ROR1: variants seen among roughly 807,000 people sequenced by gnomAD.
ROR1 encodes the protein inactive tyrosine-protein kinase transmembrane receptor ROR1.
Under a neutral mutation model 78.8 loss-of-function variants are expected in ROR1, and 19 were observed. The observed-to-expected ratio is 0.24, with a 90% CI of 0.17 to 0.35. The LOEUF is 0.35. ROR1 is among the 10% of genes least tolerant of loss of function. The probability of loss-of-function intolerance (pLI) is 1.00; values close to 1 mark genes in which losing one functional copy is unlikely to be tolerated. For missense variants in ROR1, 917 were observed against 1,177.8 expected, an observed-to-expected ratio of 0.78 and a Z score of 3.24; for synonymous variants, 386 against 433.6, an observed-to-expected ratio of 0.89 and a Z score of 1.36.
intron 8 of ROR1, among the ~76,000 whole-genome samples, chr1:64,164,921 A>T (rs779547455): frequency 6.6e-6 from 1 of 152,188 alleles, no homozygotes; most frequent in Non-Finnish European, 1.5e-5. Flanking sequence ...CCTGCAAAGG[A>T]TGTGATCTTA....
intron 1 of ROR1, among the ~76,000 whole-genome samples, chr1:63,994,292 A>C (rs1425313104): frequency 1.3e-5 from 2 of 151,858 alleles, no homozygotes; most frequent in Admixed American, 6.6e-5. Flanking sequence ...CCCTAGTTTG[A>C]CATATGTCTT....
chr1:63,900,992 T>G (rs1290322033), intron 1 of ROR1, among the ~76,000 whole-genome samples: 1 of 152,126 alleles, frequency 6.6e-6, no homozygotes, highest in African/African-American at 2.4e-5. Flanking sequence ...ATTACCGTCA[T>G]GTTACAGGTG....
At chr1:64,039,206 G>T (rs186481113) in intron 2 of ROR1, among the ~76,000 whole-genome samples, 83 of 152,320 alleles carry the variant, frequency 5.4e-4, no homozygotes, top group Non-Finnish European at 9.7e-4. Flanking sequence ...GAGAAAGAAT[G>T]GCTTGTGTGC....
At chr1:63,859,466 T>A (rs771940823) in intron 1 of ROR1, among the ~76,000 whole-genome samples, 28 of 152,232 alleles carry the variant, frequency 1.8e-4, no homozygotes, top group Non-Finnish European at 3.7e-4. Flanking sequence ...GCCCAGCACA[T>A]AGTTTCTGCT....
chr1:63,813,538 G>T (rs544914389), intron 1 of ROR1, among the ~76,000 whole-genome samples: 3 of 152,274 alleles, frequency 2.0e-5, no homozygotes, highest in Admixed American at 2.0e-4. Context: ...CCACTTCTTT[G>T]TACCCCTTAT....
At chr1:63,894,535 C>T (rs186943785) in intron 1 of ROR1, among the ~76,000 whole-genome samples, 178 of 152,172 alleles carry the variant, frequency 1.2e-3, no homozygotes, top group Admixed American at 1.9e-3. Flanking sequence ...CATTTGTGCA[C>T]TTGATTTTTG....
chr1:64,130,638 C>T (rs1648881362), intron 4 of ROR1, among the ~76,000 whole-genome samples: 1 of 152,160 alleles, frequency 6.6e-6, no homozygotes. Context: ...AGGTTGCTTC[C>T]AGGCTTGAAG....
At chr1:64,136,748 A>G (rs567680156) in intron 4 of ROR1, among the ~76,000 whole-genome samples, 2 of 152,262 alleles carry the variant, frequency 1.3e-5, no homozygotes, top group East Asian at 3.9e-4. Context: ...ATGAAAGCAA[A>G]CTTTCCATGG....
At chr1:63,873,087 T>TC (rs1156659331) in intron 1 of ROR1, among the ~76,000 whole-genome samples, 2 of 151,992 alleles carry the variant, frequency 1.3e-5, no homozygotes, top group African/African-American at 4.8e-5. Flanking sequence ...TTCTCTCTCC[T>TC]CCCCCCAAAT....
At chr1:63,923,915 G>T (rs988808540) in intron 1 of ROR1, among the ~76,000 whole-genome samples, 5 of 151,730 alleles carry the variant, frequency 3.3e-5, no homozygotes, top group Admixed American at 6.6e-5. Flanking sequence ...AAAACCAGGG[G>T]GCCTGAGGAC....
intron 1 of ROR1, among the ~76,000 whole-genome samples, chr1:63,828,966 A>G (rs369512035): frequency 6.6e-6 from 1 of 151,832 alleles, no homozygotes; most frequent in African/African-American, 2.4e-5. Context: ...TTCTTTCTTT[A>G]TTTTTCCATC....
At chr1:63,998,029 G>T (rs1646352591) in intron 1 of ROR1, among the ~76,000 whole-genome samples, 1 of 152,128 alleles carries the variant, frequency 6.6e-6, no homozygotes, top group South Asian at 2.1e-4. Flanking sequence ...TTAAGCTGGT[G>T]TGTAACAGAG....
chr1:63,784,476 A>G (rs2100225842), intron 1 of ROR1, among the ~76,000 whole-genome samples: 1 of 152,348 alleles, frequency 6.6e-6, no homozygotes, highest in Non-Finnish European at 1.5e-5. Flanking sequence ...GTCTTTAGAA[A>G]CAGTTGAAAG....
In ROR1 at chr1:63,989,570, T is replaced by G. The variant is rs556558914; in HGVS notation, c.92-19735T>G. Reference sequence around the variant, plus strand: ...TTTAATTCATCATTCCTGACTCTGCTCTTTACAATGTCACATGATAAATAA... The same window carrying G: ...TTTAATTCATCATTCCTGACTCTGCGCTTTACAATGTCACATGATAAATAA... On this transcript the variant is annotated intron_variant, in intron 1 of 8. Coordinates refer to ENST00000371079, the MANE Select transcript of ROR1 (RefSeq NM_005012.4). Among the ~76,000 whole-genome samples, 268 of 152,340 alleles carry G rather than the reference T, an allele frequency of 1.8e-3. 2 individuals carry two copies. Among genetic ancestry groups the G allele is most frequent in the African/African-American group, 6.2e-3 (259 of 41,584 alleles).
rs1407292526 is a variant in ROR1 at position 63,774,378 on chromosome 1, C to T, written c.-40C>T. ...GAGCCCGTGGATGTTCTGCGCGCGG[C>T]CTGGGAGCCGCCGCCGCCGCCGCCT... On this transcript the variant is annotated 5_prime_UTR_variant, in exon 1 of 9. Transcript: ENST00000371079. The surrounding 1 kb of genome is among the most constrained non-coding windows in gnomAD (Gnocchi z 5.7). 8.2e-7 allele frequency: 1 copy of T among 1,224,880 alleles called. No homozygotes were observed. Among genetic ancestry groups the T allele is most frequent in the Admixed American group, 3.5e-5 (1 of 28,572 alleles). 75.9% of individuals were successfully genotyped at this position (1,224,880 alleles called of 1,614,324 possible).
intron 1 of ROR1, among the ~76,000 whole-genome samples, chr1:63,910,985 G>T (rs1645565516): frequency 6.6e-6 from 1 of 152,182 alleles, no homozygotes; most frequent in Admixed American, 6.5e-5. Context: ...ATAAGTCATT[G>T]TTATTGACTC....
intron 4 of ROR1, among the ~76,000 whole-genome samples, chr1:64,100,015 A>T (rs1220151764): frequency 6.6e-6 from 1 of 152,220 alleles, no homozygotes; most frequent in Non-Finnish European, 1.5e-5. Context: ...AGATCACACC[A>T]CTGCAGTCCA....
In ROR1 at chr1:63,967,987, T is replaced by C. The variant is rs967729552; in HGVS notation, c.92-41318T>C. On this transcript the variant is annotated intron_variant, in intron 1 of 8. Coordinates refer to ENST00000371079, the MANE Select transcript of ROR1 (RefSeq NM_005012.4). ...GTTCTTCTTACAATAGATACACAAA[T>C]TCCTTCTTACATTTTGTTTCCTTTA... is the stretch of plus-strand genomic sequence containing the variant. 4.6e-5 allele frequency among the ~76,000 whole-genome samples: 7 copies of C among 152,318 alleles called. No homozygotes were observed. The East Asian group carries it at 1.2e-3, about 25-fold the overall frequency.
At chr1:63,915,558 C>T (rs1187822953) in intron 1 of ROR1, among the ~76,000 whole-genome samples, 1 of 152,118 alleles carries the variant, frequency 6.6e-6, no homozygotes, top group African/African-American at 2.4e-5. Context: ...CTAAGGCTAT[C>T]TTAATCATAT....
Sources: allele counts gnomAD v4.1 joint callset (sites outside exome capture counted in the v4.1 genomes callset), GRCh38; gene constraint gnomAD v4.1.1; non-coding constraint Gnocchi (gnomAD v3.1); transcripts MANE v1.5; gene names NCBI Gene and HGNC (gene_info 2026-07-23, HGNC 2026-07-21).